Variants in TRAPPC12 observed in about 807,000 individuals in gnomAD.
TRAPPC12 encodes trafficking protein particle complex subunit 12, also known as TPR repeat protein 15.
In TRAPPC12, 61 loss-of-function variants were observed where a neutral mutation model predicts 69.2. The ratio of observed to expected loss-of-function variants is 0.88; its 90% CI spans 0.72 to 1.09. The LOEUF is 1.09. TRAPPC12 is among the 50% of genes least tolerant of loss of function. The pLI is 0.00. For missense variants in TRAPPC12, 1,101 were observed against 1,016.4 expected, an observed-to-expected ratio of 1.08 and a Z score of -1.13; for synonymous variants, 469 against 438.9, an observed-to-expected ratio of 1.07 and a Z score of -0.86.
chr2:3,425,321 A>G (rs901671868), intron 5 of TRAPPC12, among the ~76,000 whole-genome samples: 2 of 152,192 alleles, frequency 1.3e-5, no homozygotes, highest in Non-Finnish European at 2.9e-5. Flanking sequence ...GTGTTCTTAA[A>G]TAGAAAACAG....
intron 9 of TRAPPC12, among the ~76,000 whole-genome samples, chr2:3,472,205 C>A (rs1026913568): frequency 6.6e-6 from 1 of 151,988 alleles, no homozygotes; most frequent in Non-Finnish European, 1.5e-5. Context: ...GGTGGGGAGA[C>A]GCTGAGGTGG....
At position 3,401,852 on chromosome 2, in the gene TRAPPC12, G is replaced by A. The variant is rs143418079; in HGVS notation, c.1123G>A (p.Asp375Asn). 17 of 1,600,004 alleles carry A rather than the reference G, an allele frequency of 1.1e-5. No individual in the cohort carries two copies. Among genetic ancestry groups the A allele is most frequent in the East Asian group, 2.3e-5 (1 of 44,252 alleles). ...AGCAAAGAGACAAGTCCTAAATGCC[G>A]ACTCAGTGGAACAATCTTTTGTTGG... is the stretch of plus-strand genomic sequence containing the variant. ...AAAKRQVLNA[D>N]SVEQSFVGLK... The change falls in exon 3 of 12, where the codon GAC becomes AAC. Residue 375 changes from aspartate to asparagine, a missense_variant. Asp to Asn is a conservative substitution (Grantham distance 23, BLOSUM62 1). Transcript: ENST00000324266.
intron 1 of TRAPPC12, among the ~76,000 whole-genome samples, chr2:3,383,871 GTTTTTTTTTTTTTTTT>G (rs34956958): frequency 7.2e-4 from 62 of 85,584 alleles, no homozygotes; most frequent in Non-Finnish European, 6.3e-4. Flanking sequence ...GTTCAGTCTT[GTTTTTTTTTTTTTTTT>G]TTTTTTTTTT....
At chr2:3,473,206 G>C (rs115901523) in intron 9 of TRAPPC12, among the ~76,000 whole-genome samples, 2 of 152,194 alleles carry the variant, frequency 1.3e-5, no homozygotes, top group Non-Finnish European at 2.9e-5. Context: ...GGGGAAAGGA[G>C]AGCACCCCTG....
chr2:3,389,790 C>G, intron 2 of TRAPPC12: 1 of 437,774 alleles, frequency 2.3e-6, no homozygotes, highest in South Asian at 1.6e-5. Context: ...GTGAGGAGGG[C>G]GGACGAGTTT....
At chr2:3,433,315 C>T (rs978868636) in intron 5 of TRAPPC12, among the ~76,000 whole-genome samples, 2 of 152,194 alleles carry the variant, frequency 1.3e-5, no homozygotes, top group African/African-American at 4.8e-5. Context: ...GACGGAAATG[C>T]CAGGGCAAAC....
At chr2:3,479,131 C>T in intron 11 of TRAPPC12, 88 bp from the exon 12 acceptor site, 1 of 1,560,216 alleles carries the variant, frequency 6.4e-7, no homozygotes, top group Non-Finnish European at 8.7e-7. Flanking sequence ...CACCCCCAGG[C>T]CCCTAACACG....
rs1164594770 is a variant in TRAPPC12 at position 3,479,211 on chromosome 2, C to T, written c.1966-8C>T. ...GTGGGCCAACCCTGGGCGTGTGCTC[C>T]TCCCTAGGCCAACAACAACGCTGCC... is the stretch of plus-strand genomic sequence containing the variant. On this transcript the variant is annotated splice_polypyrimidine_tract_variant and splice_region_variant and intron_variant, in intron 11 of 11. Coordinates refer to ENST00000324266, the MANE Select transcript of TRAPPC12 (RefSeq NM_016030.6). 6.2e-7 allele frequency: 1 copy of T among 1,611,000 alleles called. No homozygotes were observed. The highest frequency in any genetic ancestry group is 1.7e-5 in the Admixed American group (1 of 59,888).
At chr2:3,394,526 C>T (rs1365253597) in intron 2 of TRAPPC12, among the ~76,000 whole-genome samples, 1 of 151,946 alleles carries the variant, frequency 6.6e-6, no homozygotes, top group Admixed American at 6.6e-5. Flanking sequence ...GAGGCTGAGG[C>T]AGGAGAATCA....
chr2:3,408,953 C>T (rs948587100), intron 3 of TRAPPC12, among the ~76,000 whole-genome samples: 4 of 152,336 alleles, frequency 2.6e-5, no homozygotes, highest in South Asian at 2.1e-4. Context: ...TCCTGCCCTG[C>T]GCGGCCCGCT....
rs933712367 is a variant in TRAPPC12, at chr2:3,405,994, G to A, written c.1164+4101G>A. Among the ~76,000 whole-genome samples the A allele has an allele frequency of 2.6e-5, 4 of 152,194 alleles. No homozygotes were observed. In the South Asian group the frequency reaches 6.2e-4, roughly 24 times the overall value. On this transcript the variant is annotated intron_variant, in intron 3 of 11. Transcript: ENST00000324266. Reference sequence around the variant, plus strand: ...CCACAACCCTGCTTCTGTAACTGGCGGGAATCCCGAGAGCTCCAGCATGAA... The same window carrying A: ...CCACAACCCTGCTTCTGTAACTGGCAGGAATCCCGAGAGCTCCAGCATGAA...
intron 5 of TRAPPC12, 54 bp from the exon 6 acceptor site, chr2:3,443,725 G>A (rs959612051): frequency 2.1e-6 from 3 of 1,402,932 alleles, no homozygotes; most frequent in Non-Finnish European, 3.0e-6. Flanking sequence ...TGCCAAGTAT[G>A]AATGCGTGCT....
intron 4 of TRAPPC12, among the ~76,000 whole-genome samples, chr2:3,424,072 C>T (rs1357964642): frequency 4.6e-5 from 7 of 152,352 alleles, no homozygotes; most frequent in African/African-American, 1.4e-4. Context: ...GTCATTCCCC[C>T]GCCCTCCACT....
chr2:3,434,779 A>G (rs1396744136), intron 5 of TRAPPC12, among the ~76,000 whole-genome samples: 1 of 152,212 alleles, frequency 6.6e-6, no homozygotes, highest in African/African-American at 2.4e-5. Flanking sequence ...AATTGGGATT[A>G]GGGAATGTTT....
intron 2 of TRAPPC12, 44 bp downstream of exon 2, chr2:3,388,714 G>A: frequency 6.8e-7 from 1 of 1,478,778 alleles, no homozygotes; most frequent in Non-Finnish European, 9.0e-7. Flanking sequence ...CCTCCTCTCT[G>A]CGTCTGTGAG....
chr2:3,383,886 T>G (rs1253615326), intron 1 of TRAPPC12, among the ~76,000 whole-genome samples: 4 of 18,486 alleles, frequency 2.2e-4, no homozygotes, highest in Admixed American at 4.1e-4. Context: ...TTTTTTTTTT[T>G]TTTTTTTTTT....
chr2:3,466,224 C>T (rs1406869089), intron 9 of TRAPPC12: 3 of 469,826 alleles, frequency 6.4e-6, no homozygotes, highest in South Asian at 3.1e-5. Context: ...ATGAGTCCCG[C>T]CCACATCCCT....
rs375244525 is a variant in TRAPPC12, at chr2:3,387,872, C to G, written c.249C>G (p.Gly83=). ...SDSPNSEGDA[G]DLGRVRDEAE... Reference sequence around the variant, plus strand: ...CCCCCAACAGCGAGGGCGACGCGGGCGACCTGGGCCGAGTGCGGGACGAAG... The same window carrying G: ...CCCCCAACAGCGAGGGCGACGCGGGGGACCTGGGCCGAGTGCGGGACGAAG... Residue 83 remains glycine, a synonymous_variant, in exon 2 of 12, where the codon GGC becomes GGG. Coordinates refer to ENST00000324266, the MANE Select transcript of TRAPPC12 (RefSeq NM_016030.6). 1 of 1,587,078 alleles carries G rather than the reference C, an allele frequency of 6.3e-7. No homozygotes were observed. Among genetic ancestry groups the G allele is most frequent in the East Asian group, 2.3e-5 (1 of 43,462 alleles).
intron 9 of TRAPPC12, among the ~76,000 whole-genome samples, chr2:3,477,062 C>A (rs1013936761): frequency 6.6e-6 from 1 of 152,204 alleles, no homozygotes; most frequent in African/African-American, 2.4e-5. Context: ...CTTTGTAAAA[C>A]CAAGCTGTGG....
Sources: allele counts gnomAD v4.1 joint callset (sites outside exome capture counted in the v4.1 genomes callset), GRCh38; gene constraint gnomAD v4.1.1; transcripts MANE v1.5; gene names NCBI Gene and HGNC (gene_info 2026-07-23, HGNC 2026-07-21).